The following FER variants were observed in gnomAD, a reference collection of about 807,000 sequenced individuals.
FER encodes FER tyrosine kinase.
A neutral mutation model predicts 111.0 loss-of-function variants in FER; 63 were observed. The ratio of observed to expected loss-of-function variants is 0.57; its 90% CI spans 0.46 to 0.70. The LOEUF is 0.70. Ranked by LOEUF, FER falls within the 30% of genes least tolerant of loss-of-function variation. FER has a pLI of 0.00. For missense variants in FER, 914 were observed against 954.0 expected (o/e 0.96, Z 0.55); for synonymous variants, 327 against 313.9 (o/e 1.04, Z -0.44).
intron 10 of FER, among the ~76,000 whole-genome samples, chr5:108,901,725 A>T (rs1170108979): frequency 6.6e-6 from 1 of 152,096 alleles, no homozygotes; most frequent in African/African-American, 2.4e-5. Flanking sequence ...GCTGAGGTGG[A>T]TTTACTGCCT....
chr5:108,844,108 A>ATATATG (rs1554076460), intron 5 of FER, among the ~76,000 whole-genome samples: 4 of 92,592 alleles, frequency 4.3e-5, no homozygotes, highest in African/African-American at 1.8e-4. Context: ...GTGTGTGAAC[A>ATATATG]TGTGTGTGAA....
At chr5:108,998,923 G>A (rs1369895605) in intron 13 of FER, among the ~76,000 whole-genome samples, 1 of 151,946 alleles carries the variant, frequency 6.6e-6, no homozygotes, top group Non-Finnish European at 1.5e-5. Flanking sequence ...TTTTAGAAAA[G>A]GTTCTAGAGA....
In FER at chr5:109,111,974, C is replaced by T. The variant is rs180773030; in HGVS notation, c.2048+11455C>T. ...TGTGCCTATTTTTACTTCTTATGGACACATATTTTTATTATAGAACAAAAA... is the reference window on the plus strand; with the variant it reads ...TGTGCCTATTTTTACTTCTTATGGATACATATTTTTATTATAGAACAAAAA... On this transcript the variant is annotated intron_variant, in intron 17 of 19. Coordinates refer to ENST00000281092, the MANE Select transcript of FER (RefSeq NM_005246.4). 7.8e-3 allele frequency among the ~76,000 whole-genome samples: 1,183 copies of T among 152,240 alleles called. 11 individuals carry two copies. Among genetic ancestry groups the T allele is most frequent in the African/African-American group, 0.028 (1,147 of 41,552 alleles).
intron 13 of FER, among the ~76,000 whole-genome samples, chr5:109,024,941 C>A (rs55648535): frequency 8.2e-5 from 12 of 146,566 alleles, no homozygotes; most frequent in Admixed American, 4.0e-4. Flanking sequence ...GATATACGGC[C>A]TTATTTCTGA....
At chr5:108,788,020 G>A (rs773333671) in intron 2 of FER, among the ~76,000 whole-genome samples, 2 of 152,176 alleles carry the variant, frequency 1.3e-5, no homozygotes, top group Non-Finnish European at 2.9e-5. Flanking sequence ...CAGTCACTAC[G>A]CTGCGTGCAA....
intron 17 of FER, among the ~76,000 whole-genome samples, chr5:109,168,163 A>G (rs1756747295): frequency 6.6e-6 from 1 of 152,196 alleles, no homozygotes; most frequent in Non-Finnish European, 1.5e-5. Flanking sequence ...GAATTCTAGT[A>G]ATGTCCCGGT....
chr5:109,146,255 T>TATATATATATTATCTATCTA (rs1754151012), intron 17 of FER, among the ~76,000 whole-genome samples: 15 of 51,312 alleles, frequency 2.9e-4, no homozygotes, highest in African/African-American at 1.3e-3. Context: ...ATCTATCTAA[T>TATATATATATTATCTATCTA]ATATATATAT....
chr5:108,957,552 C>G (rs1312309124), intron 12 of FER, among the ~76,000 whole-genome samples: 1 of 151,486 alleles, frequency 6.6e-6, no homozygotes, highest in African/African-American at 2.4e-5. Flanking sequence ...GGAGATTTCT[C>G]AAAAAGCTAT....
chr5:109,014,670 G>A (rs1409962435), intron 13 of FER, among the ~76,000 whole-genome samples: 1 of 152,068 alleles, frequency 6.6e-6, no homozygotes, highest in African/African-American at 2.4e-5. Context: ...AATTACCTTG[G>A]GCAGTATGGC....
At chr5:108,780,899 C>G (rs1016557846) in intron 2 of FER, among the ~76,000 whole-genome samples, 2 of 151,398 alleles carry the variant, frequency 1.3e-5, no homozygotes, top group African/African-American at 2.4e-5. Flanking sequence ...ATTCTTTCCT[C>G]AGCTGTGTCC....
At chr5:108,924,426 T>C (rs7723644) in intron 10 of FER, among the ~76,000 whole-genome samples, 28,490 of 151,600 alleles carry the variant, frequency 0.19, 3,047 homozygotes, top group African/African-American at 0.29. Context: ...GTTTCTTTAC[T>C]TAATGTACAA....
intron 17 of FER, among the ~76,000 whole-genome samples, chr5:109,106,092 C>G (rs1044281256): frequency 6.6e-6 from 1 of 152,178 alleles, no homozygotes; most frequent in Admixed American, 6.5e-5. Context: ...TGAATCTACT[C>G]TACTGCCTTG....
chr5:108,946,706 A>G lies in FER; in HGVS notation c.1329+484A>G, dbSNP rs140598808. The stretch of plus-strand genomic sequence containing the variant: ...AATCATTGAAATGTGGGTTTGGCAT[A>G]TCACAGTAGTGCTAGAGTATTAGTT... On this transcript the variant is annotated intron_variant, in intron 11 of 19. Coordinates refer to ENST00000281092, the MANE Select transcript of FER (RefSeq NM_005246.4). Among the ~76,000 whole-genome samples, 662 of 151,976 alleles carry G rather than the reference A, an allele frequency of 4.4e-3. 2 individuals are homozygous for G. The highest frequency in any genetic ancestry group is 0.02 in the Middle Eastern group (6 of 294).
rs1326466283 is a variant in FER at position 108,875,588 on chromosome 5, A to G, written c.923+3376A>G. ...TAGTTGAAAAAGTAAAGTCCATACA[A>G]TTTTGAACATTAGAAGAATATATTT... On this transcript the variant is annotated intron_variant, in intron 8 of 19. Coordinates refer to ENST00000281092, the MANE Select transcript of FER (RefSeq NM_005246.4). Among the ~76,000 whole-genome samples, 4 of 152,282 alleles carry G rather than the reference A, an allele frequency of 2.6e-5. No homozygotes were observed. The East Asian group carries it at 7.7e-4, about 29-fold the overall frequency.
intron 15 of FER, among the ~76,000 whole-genome samples, chr5:109,046,187 A>G (rs549544847): frequency 1.3e-5 from 2 of 152,250 alleles, no homozygotes; most frequent in African/African-American, 2.4e-5. Context: ...CCATTTGCCA[A>G]CTTTCTCAGA....
At chr5:108,961,557 G>A (rs1298924786) in intron 13 of FER, among the ~76,000 whole-genome samples, 5 of 152,008 alleles carry the variant, frequency 3.3e-5, no homozygotes, top group Admixed American at 1.3e-4. Context: ...AAATTAAATC[G>A]TTATATGTGA....
At chr5:108,792,339 A>T (rs988711067) in intron 2 of FER, among the ~76,000 whole-genome samples, 1 of 152,122 alleles carries the variant, frequency 6.6e-6, no homozygotes, top group Non-Finnish European at 1.5e-5. Context: ...TAGTTCTTTT[A>T]AAATTACTTT....
chr5:108,915,737 A>G lies in FER; in HGVS notation c.1236+17889A>G, dbSNP rs149178978. Among the ~76,000 whole-genome samples, 162 of 152,268 alleles carry G rather than the reference A, an allele frequency of 1.1e-3. 1 individual carries two copies. Among genetic ancestry groups the G allele is most frequent in the African/African-American group, 3.8e-3 (157 of 41,540 alleles). On this transcript the variant is annotated intron_variant, in intron 10 of 19. Transcript: ENST00000281092. ...GAAAAGGAGATATGTGTCAGGAGAA[A>G]GGTAGCAAAAGAAACAGGTGAGGGA...
At chr5:108,897,890 T>A (rs780853448) in intron 10 of FER, 42 bp downstream of exon 10, 21 of 1,509,214 alleles carry the variant, frequency 1.4e-5, no homozygotes, top group East Asian at 1.2e-4. Context: ...GGAAGAGTAG[T>A]GTCTAGGTAA....
Sources: allele counts gnomAD v4.1 joint callset (sites outside exome capture counted in the v4.1 genomes callset), GRCh38; gene constraint gnomAD v4.1.1; transcripts MANE v1.5; gene names NCBI Gene and HGNC (gene_info 2026-07-23, HGNC 2026-07-21).